The following CDC42SE2 variants were observed in gnomAD, a reference collection of about 807,000 sequenced individuals.
CDC42SE2 encodes the protein CDC42 small effector protein 2.
Under a neutral mutation model 11.5 loss-of-function variants are expected in CDC42SE2, and 3 were observed. That is an observed-to-expected ratio of 0.26 (90% CI 0.12 to 0.67). CDC42SE2 has a LOEUF of 0.67. Ranked by LOEUF, CDC42SE2 falls within the 30% of genes least tolerant of loss-of-function variation. The pLI is 0.80. For missense variants in CDC42SE2, 82 were observed against 106.8 expected (o/e 0.77, Z 1.02); for synonymous variants, 33 against 34.8 (o/e 0.95, Z 0.18).
At chr5:131,376,338 G>C (rs1334446399) in intron 3 of CDC42SE2, among the ~76,000 whole-genome samples, 1 of 152,118 alleles carries the variant, frequency 6.6e-6, no homozygotes, top group Admixed American at 6.5e-5. Flanking sequence ...TTTGCCAGAG[G>C]ATCCCAGATT....
chr5:131,365,470 T>C (rs1464752259), intron 3 of CDC42SE2, among the ~76,000 whole-genome samples: 5 of 152,182 alleles, frequency 3.3e-5, no homozygotes, highest in African/African-American at 7.2e-5. Context: ...TATGCAATAA[T>C]AACCTCGTAT....
intron 1 of CDC42SE2, among the ~76,000 whole-genome samples, chr5:131,251,061 T>A (rs968526055): frequency 1.3e-5 from 2 of 152,214 alleles, no homozygotes; most frequent in Non-Finnish European, 2.9e-5. Flanking sequence ...AATTTTAAAT[T>A]TTTTAAATGT....
the CDC42SE2 span, among the ~76,000 whole-genome samples, chr5:131,224,297 C>G: frequency 1.3e-5 from 2 of 152,216 alleles, no homozygotes; most frequent in Non-Finnish European, 1.5e-5. Flanking sequence ...ACTCGAATAT[C>G]TACTGGGTAT....
intron 2 of CDC42SE2, among the ~76,000 whole-genome samples, chr5:131,340,013 A>G (rs1758675218): frequency 6.6e-6 from 1 of 152,218 alleles, no homozygotes; most frequent in Non-Finnish European, 1.5e-5. Flanking sequence ...AGAATTTTGT[A>G]TTCAAATGAC....
At chr5:131,289,376 A>G (rs528771265) in intron 1 of CDC42SE2, among the ~76,000 whole-genome samples, 1 of 152,338 alleles carries the variant, frequency 6.6e-6, no homozygotes, top group South Asian at 2.1e-4. Flanking sequence ...AGTCATGTCA[A>G]GAGTTTGTAG....
intron 2 of CDC42SE2, among the ~76,000 whole-genome samples, chr5:131,338,617 T>G (rs1465052145): frequency 1.3e-5 from 2 of 152,208 alleles, no homozygotes; most frequent in Non-Finnish European, 2.9e-5. Flanking sequence ...AATCCTCACA[T>G]AAATCTTTGA....
At chr5:131,291,619 A>G (rs1317618097) in intron 1 of CDC42SE2, among the ~76,000 whole-genome samples, 1 of 152,146 alleles carries the variant, frequency 6.6e-6, no homozygotes, top group Non-Finnish European at 1.5e-5. Context: ...TATAGCCATA[A>G]CTTTTTTAAA....
At chr5:131,351,457 T>C (rs1265113495) in intron 2 of CDC42SE2, among the ~76,000 whole-genome samples, 1 of 152,140 alleles carries the variant, frequency 6.6e-6, no homozygotes, top group Non-Finnish European at 1.5e-5. Flanking sequence ...GGTTTCACCA[T>C]GTTAGCCAGG....
the CDC42SE2 span, among the ~76,000 whole-genome samples, chr5:131,223,944 C>G: frequency 6.6e-6 from 1 of 152,206 alleles, no homozygotes; most frequent in South Asian, 2.1e-4. Flanking sequence ...GAGTCCTCAT[C>G]TTACCTGACC....
At chr5:131,242,866 A>G (rs1448825431), upstream of CDC42SE2, among the ~76,000 whole-genome samples, 1 of 152,184 alleles carries the variant, frequency 6.6e-6, no homozygotes, top group Non-Finnish European at 1.5e-5. Flanking sequence ...AGAAGGTTCA[A>G]GGGAGGTGGT....
At chr5:131,232,689 A>G in the CDC42SE2 span, among the ~76,000 whole-genome samples, 2 of 147,016 alleles carry the variant, frequency 1.4e-5, no homozygotes, top group Admixed American at 1.4e-4. Context: ...AGCCGAGATC[A>G]TGCCACTGCA....
chr5:131,213,789 A>G, the CDC42SE2 span, among the ~76,000 whole-genome samples: 23 of 152,290 alleles, frequency 1.5e-4, 1 homozygote, highest in East Asian at 4.4e-3. Context: ...AGTTTCTAAT[A>G]TGTCTTTCTG....
chr5:131,287,670 C>T (rs935924629), intron 1 of CDC42SE2, among the ~76,000 whole-genome samples: 2 of 151,696 alleles, frequency 1.3e-5, no homozygotes, highest in African/African-American at 2.4e-5. Context: ...GATGGGGCTC[C>T]GCCATGTTGC....
At chr5:131,326,551 T>C (rs1208819912) in intron 2 of CDC42SE2, among the ~76,000 whole-genome samples, 3 of 152,196 alleles carry the variant, frequency 2.0e-5, no homozygotes, top group Non-Finnish European at 2.9e-5. Flanking sequence ...ATATATCTGC[T>C]TATACTGTTT....
intron 1 of CDC42SE2, among the ~76,000 whole-genome samples, chr5:131,246,427 C>T (rs1756582689): frequency 6.6e-6 from 1 of 152,090 alleles, no homozygotes; most frequent in Non-Finnish European, 1.5e-5. Context: ...GCACTCCAGC[C>T]TGGGTGACAA....
At chr5:131,306,431 T>C (rs1288091904) in intron 1 of CDC42SE2, among the ~76,000 whole-genome samples, 1 of 152,174 alleles carries the variant, frequency 6.6e-6, no homozygotes, top group Non-Finnish European at 1.5e-5. Flanking sequence ...TTTCTGGGCT[T>C]TCTATCCTGT....
chr5:131,282,480 A>G (rs183085941), intron 1 of CDC42SE2, among the ~76,000 whole-genome samples: 1 of 152,316 alleles, frequency 6.6e-6, no homozygotes, highest in Non-Finnish European at 1.5e-5. Context: ...ACCTGTTTCA[A>G]AAGCGCTTTG....
At chr5:131,367,443 G>C (rs1008355522) in intron 3 of CDC42SE2, among the ~76,000 whole-genome samples, 2 of 152,076 alleles carry the variant, frequency 1.3e-5, no homozygotes, top group Admixed American at 6.5e-5. Flanking sequence ...TTTTGCAAAG[G>C]GATAACTGCT....
At chr5:131,308,953 A>C (rs1004614455) in intron 1 of CDC42SE2, among the ~76,000 whole-genome samples, 2 of 150,066 alleles carry the variant, frequency 1.3e-5, no homozygotes, top group Non-Finnish European at 3.0e-5. Context: ...CTCCTGCCTA[A>C]TTGCCCTGGC....
Sources: allele counts gnomAD v4.1 joint callset (sites outside exome capture counted in the v4.1 genomes callset), GRCh38; gene constraint gnomAD v4.1.1; transcripts MANE v1.5; gene names NCBI Gene and HGNC (gene_info 2026-07-23, HGNC 2026-07-21).